The following GRM8 variants were observed in gnomAD, a reference collection of about 807,000 sequenced individuals.
GRM8 encodes the protein metabotropic glutamate receptor 8.
GRM8 carries 47 observed loss-of-function variants against 87.2 expected under a neutral mutation model. The observed-to-expected ratio is 0.54, with a 90% CI of 0.43 to 0.69. The LOEUF (loss-of-function observed/expected upper bound fraction) is 0.69. GRM8 is among the 30% of genes least tolerant of loss of function. The probability of loss-of-function intolerance (pLI) is 0.00; values close to 1 mark genes in which losing one functional copy is unlikely to be tolerated. For synonymous variants in GRM8, 396 were observed against 404.5 expected (o/e 0.98, Z 0.25); for missense variants, 1,019 against 1,139.2 (o/e 0.89, Z 1.52).
chr7:127,243,949 G>C (rs993904415), intron 1 of GRM8, among the ~76,000 whole-genome samples: 16 of 150,486 alleles, frequency 1.1e-4, no homozygotes, highest in Non-Finnish European at 2.1e-4. Flanking sequence ...CCAGTCATCT[G>C]TTAATGACTT....
intron 7 of GRM8, among the ~76,000 whole-genome samples, chr7:126,640,925 T>C (rs894461690): frequency 1.2e-4 from 18 of 152,248 alleles, no homozygotes; most frequent in African/African-American, 4.1e-4. Flanking sequence ...CTCGGTAATA[T>C]GTCATTAAAA....
intron 7 of GRM8, among the ~76,000 whole-genome samples, chr7:126,626,514 G>A (rs1320113673): frequency 6.6e-6 from 1 of 152,040 alleles, no homozygotes; most frequent in East Asian, 1.9e-4. Context: ...ACTGGCTGGA[G>A]CAATGCTTCT....
chr7:127,103,242 GT>G (rs1247568656), intron 3 of GRM8, among the ~76,000 whole-genome samples: 3 of 152,238 alleles, frequency 2.0e-5, no homozygotes, highest in Admixed American at 6.5e-5. Context: ...GAATGATATA[GT>G]TTGGATATTT....
intron 2 of GRM8, among the ~76,000 whole-genome samples, chr7:127,164,491 G>A (rs919080171): frequency 1.3e-5 from 2 of 152,106 alleles, no homozygotes; most frequent in African/African-American, 4.8e-5. Context: ...CTGTAATTAG[G>A]AAAACAATTC....
At chr7:127,042,088 C>T (rs73450220) in intron 3 of GRM8, among the ~76,000 whole-genome samples, 132 of 152,300 alleles carry the variant, frequency 8.7e-4, no homozygotes, top group African/African-American at 2.9e-3. Flanking sequence ...GATACTTTTA[C>T]ATCTTTCTGA....
intron 9 of GRM8, among the ~76,000 whole-genome samples, chr7:126,492,990 G>A (rs1005959796): frequency 6.6e-6 from 1 of 152,060 alleles, no homozygotes; most frequent in Non-Finnish European, 1.5e-5. Context: ...AGGGAAGAAA[G>A]CATTGGGAAA....
chr7:126,853,236 T>A (rs1184843672), intron 6 of GRM8, among the ~76,000 whole-genome samples: 1 of 152,232 alleles, frequency 6.6e-6, no homozygotes, highest in African/African-American at 2.4e-5. Flanking sequence ...GAATTTGGCA[T>A]CTGCTTTTCT....
At chr7:126,991,088 T>C (rs974654883) in intron 3 of GRM8, among the ~76,000 whole-genome samples, 3 of 152,194 alleles carry the variant, frequency 2.0e-5, no homozygotes, top group East Asian at 1.9e-4. Flanking sequence ...AAATTTTTTA[T>C]ATTATTCTAA....
chr7:127,087,341 G>C (rs1823613965), intron 3 of GRM8, among the ~76,000 whole-genome samples: 1 of 152,216 alleles, frequency 6.6e-6, no homozygotes, highest in Admixed American at 6.5e-5. Flanking sequence ...GAAGTGAATA[G>C]AGAACGAAGA....
intron 3 of GRM8, among the ~76,000 whole-genome samples, chr7:126,929,900 G>C (rs1280235652): frequency 1.4e-5 from 1 of 71,804 alleles, no homozygotes; most frequent in Non-Finnish European, 2.8e-5. Flanking sequence ...TAAACTTAAG[G>C]AGGACCTAAG....
intron 8 of GRM8, among the ~76,000 whole-genome samples, chr7:126,587,780 A>C (rs944405493): frequency 2.0e-5 from 3 of 152,096 alleles, no homozygotes; most frequent in Non-Finnish European, 4.4e-5. Flanking sequence ...ATATATAACA[A>C]ACCTGCATGT....
chr7:126,457,683 C>T (rs898848743), intron 9 of GRM8, among the ~76,000 whole-genome samples: 4 of 150,368 alleles, frequency 2.7e-5, no homozygotes, highest in African/African-American at 7.3e-5. Flanking sequence ...AAGTCATGGG[C>T]TAAAGCAGAC....
chr7:126,743,740 T>A (rs572109624), intron 7 of GRM8, among the ~76,000 whole-genome samples: 1 of 152,216 alleles, frequency 6.6e-6, no homozygotes, highest in South Asian at 2.1e-4. Flanking sequence ...CAATAGTACT[T>A]ACAGAGAGAA....
intron 6 of GRM8, among the ~76,000 whole-genome samples, chr7:126,885,225 C>T (rs1310487030): frequency 1.3e-5 from 2 of 152,280 alleles, no homozygotes; most frequent in South Asian, 2.1e-4. Context: ...TGCAGAACCA[C>T]GCTGGCTTTA....
intron 2 of GRM8, among the ~76,000 whole-genome samples, chr7:127,110,625 A>C (rs908501500): frequency 6.6e-6 from 1 of 152,024 alleles, no homozygotes; most frequent in Non-Finnish European, 1.5e-5. Flanking sequence ...TTTAAAAAAA[A>C]ATTGTTTTGG....
intron 8 of GRM8, among the ~76,000 whole-genome samples, chr7:126,568,099 A>C (rs1333236929): frequency 6.6e-6 from 1 of 152,160 alleles, no homozygotes; most frequent in Non-Finnish European, 1.5e-5. Context: ...TAAAAAGAAA[A>C]GACATTTGCC....
chr7:126,939,191 G>T (rs1216033136), intron 3 of GRM8, among the ~76,000 whole-genome samples: 1 of 152,242 alleles, frequency 6.6e-6, no homozygotes, highest in South Asian at 2.1e-4. Context: ...TTTAATGAAA[G>T]ACACCAATTC....
chr7:127,103,820 G>T (rs1453289511), intron 3 of GRM8, among the ~76,000 whole-genome samples: 2 of 152,062 alleles, frequency 1.3e-5, no homozygotes, highest in African/African-American at 4.8e-5. Context: ...TAACAGCTGG[G>T]ATATCAAGGG....
chr7:126,501,799 GAGTGTC>G (rs1809689479), intron 9 of GRM8, among the ~76,000 whole-genome samples: 1 of 151,946 alleles, frequency 6.6e-6, no homozygotes, highest in Non-Finnish European at 1.5e-5. Context: ...AAGGGAGAAT[GAGTGTC>G]AATGGGGTCC....
Sources: gnomAD v4.1 joint callset for allele counts (sites outside exome capture counted in the v4.1 genomes callset) on GRCh38, gnomAD v4.1.1 for gene constraint, MANE v1.5 for transcripts, NCBI Gene and HGNC (gene_info 2026-07-23, HGNC 2026-07-21) for gene names.